ZNF354B: variants seen among roughly 807,000 people sequenced by gnomAD.
ZNF354B encodes zinc finger protein 354B.
In ZNF354B, 10 loss-of-function variants were observed where a neutral mutation model predicts 12.9. The ratio of observed to expected loss-of-function variants is 0.77; its 90% CI spans 0.48 to 1.31. The LOEUF is 1.31. Among genes scored for constraint, ZNF354B ranks in the 40% most tolerant of loss-of-function variants. The pLI, the probability that ZNF354B is intolerant of heterozygous loss-of-function variation, is 0.00. For missense variants in ZNF354B, 614 were observed against 711.7 expected (o/e 0.86, Z 1.56); for synonymous variants, 260 against 243.7 (o/e 1.07, Z -0.62).
chr5:178,880,593 A>G (rs1323440911), intron 4 of ZNF354B, among the ~76,000 whole-genome samples: 1 of 151,604 alleles, frequency 6.6e-6, no homozygotes, highest in Non-Finnish European at 1.5e-5. Flanking sequence ...TCCTGGGCTC[A>G]AGTGATCCTC....
intron 4 of ZNF354B, among the ~76,000 whole-genome samples, chr5:178,871,578 C>T (rs1757565396): frequency 6.6e-6 from 1 of 152,214 alleles, no homozygotes; most frequent in South Asian, 2.1e-4. Context: ...CTCATTCATT[C>T]ACTCCTGTTT....
At chr5:178,870,872 T>A (rs1024853761) in intron 4 of ZNF354B, among the ~76,000 whole-genome samples, 2 of 152,068 alleles carry the variant, frequency 1.3e-5, no homozygotes, top group Non-Finnish European at 2.9e-5. Context: ...CTGCCCAGGC[T>A]GTTCTTTGAA....
rs1459836921 is a variant in ZNF354B at position 178,866,950 on chromosome 5, T to C, written c.161-26T>C. ...TGTGTCAAAACGAAGACTGAGACTT[T>C]TGTTGTTGTTGTTGTTTATGTGCAG... On this transcript the variant is annotated intron_variant, in intron 3 of 4. Transcript: ENST00000322434. 4.0e-6 allele frequency: 6 copies of C among 1,510,202 alleles called. No individual in the cohort carries two copies. In the African/African-American group the frequency reaches 4.2e-5, roughly 11 times the overall value. The allele number at this position is 1,510,202 out of a possible 1,614,324, so 93.6% of individuals were successfully genotyped here.
rs141410132 is a variant in ZNF354B at position 178,883,933 on chromosome 5, A to G, written c.1481A>G (p.Tyr494Cys). 1.5e-4 allele frequency: 247 copies of G among 1,614,026 alleles called. No individual in the cohort carries two copies. Among genetic ancestry groups the G allele is most frequent in the Non-Finnish European group, 1.9e-4 (226 of 1,180,008 alleles). ...AGAATGCATACTGGAGAAAGACCCT[A>G]TAAGTGTAACGAATGTGACAAAACA... is the stretch of plus-strand genomic sequence containing the variant. ...HQRMHTGERPYKCNECDKTFR... is the reference protein window; with the variant it reads ...HQRMHTGERPCKCNECDKTFR... The change falls in exon 5 of 5, where the codon TAT becomes TGT. Residue 494 changes from tyrosine (Y) to cysteine (C), a missense_variant. Tyr to Cys is a radical substitution (Grantham distance 194). Coordinates refer to ENST00000322434, the MANE Select transcript of ZNF354B (RefSeq NM_058230.3).
At chr5:178,861,416 C>T (rs1310355786) in intron 2 of ZNF354B, among the ~76,000 whole-genome samples, 1 of 152,228 alleles carries the variant, frequency 6.6e-6, no homozygotes, top group African/African-American at 2.4e-5. Flanking sequence ...CGTTCCTGTC[C>T]TTCGCAGGAA....
chr5:178,863,319 T>C (rs1353659486), intron 2 of ZNF354B, among the ~76,000 whole-genome samples: 2 of 152,330 alleles, frequency 1.3e-5, no homozygotes, highest in East Asian at 3.9e-4. Context: ...TGTGTATGTT[T>C]ATATAGTTGT....
Position 178,883,306 on chromosome 5 carries a change from T to C in ZNF354B, c.854T>C (p.Leu285Pro). 1.2e-6 allele frequency: 2 copies of C among 1,614,014 alleles called. No individual in the cohort carries two copies. Among genetic ancestry groups the C allele is most frequent in the Non-Finnish European group, 1.7e-6 (2 of 1,179,948 alleles). Reference protein sequence around the residue: ...CGKAFSHSASLCKHLRTHTVE... With the variant: ...CGKAFSHSASPCKHLRTHTVE... ...AAAGCCTTCAGCCATAGTGCATCCCTTTGTAAGCATTTAAGGACCCATACT... is the reference window on the plus strand; with the variant it reads ...AAAGCCTTCAGCCATAGTGCATCCCCTTGTAAGCATTTAAGGACCCATACT... Residue 285 changes from leucine to proline, a missense_variant, in exon 5 of 5, where the codon CTT (leucine) becomes CCT (proline). By Grantham distance (98) the Leu-to-Pro change is moderately conservative. Coordinates refer to ENST00000322434, the MANE Select transcript of ZNF354B (RefSeq NM_058230.3).
At chr5:178,870,347 G>C (rs1388755418) in intron 4 of ZNF354B, among the ~76,000 whole-genome samples, 1 of 152,142 alleles carries the variant, frequency 6.6e-6, no homozygotes, top group East Asian at 1.9e-4. Flanking sequence ...GTGATTCTCA[G>C]CTCACTGCAG....
intron 4 of ZNF354B, among the ~76,000 whole-genome samples, chr5:178,868,739 G>A (rs1414986293): frequency 6.6e-6 from 1 of 152,098 alleles, no homozygotes; most frequent in Admixed American, 6.5e-5. Context: ...TTGGGAGGCC[G>A]AGGCGGGCAG....
At position 178,883,573 on chromosome 5, in the gene ZNF354B, G is replaced by T; in HGVS notation, c.1121G>T (p.Arg374Ile). The change falls in exon 5 of 5, where the codon AGA becomes ATA. Residue 374 changes from arginine to isoleucine, a missense_variant. Transcript: ENST00000322434. ...KSSSSLRYHQRIHTGEKPFKC... is the reference protein window; with the variant it reads ...KSSSSLRYHQIIHTGEKPFKC... The stretch of plus-strand genomic sequence containing the variant: ...AGCTCATCCCTTCGTTATCATCAGA[G>T]AATTCACACTGGAGAGAAGCCTTTT... 9.9e-6 allele frequency: 16 copies of T among 1,614,042 alleles called. No homozygotes were observed. The highest frequency in any genetic ancestry group is 1.3e-5 in the Non-Finnish European group (15 of 1,179,940).
chr5:178,862,846 G>A (rs1757383184), intron 2 of ZNF354B, among the ~76,000 whole-genome samples: 1 of 152,164 alleles, frequency 6.6e-6, no homozygotes, highest in African/African-American at 2.4e-5. Flanking sequence ...GAGTCTCTGT[G>A]GCATCCTTCC....
Position 178,883,929 on chromosome 5 carries a change from C to G in ZNF354B, c.1477C>G (p.Pro493Ala), listed in dbSNP as rs1034316251. 8.1e-6 allele frequency: 13 copies of G among 1,614,064 alleles called. No individual in the cohort carries two copies. Among genetic ancestry groups the G allele is most frequent in the Non-Finnish European group, 1.0e-5 (12 of 1,179,976 alleles). The part of the protein sequence containing the change: ...QHQRMHTGER[P>A]YKCNECDKTF... ...TCAGAGAATGCATACTGGAGAAAGA[C>G]CCTATAAGTGTAACGAATGTGACAA... The change falls in exon 5 of 5, where the codon CCC becomes GCC. Residue 493 changes from proline (P) to alanine (A), a missense_variant. Coordinates refer to ENST00000322434, the MANE Select transcript of ZNF354B (RefSeq NM_058230.3).
rs1757740881 is a variant in ZNF354B, at chr5:178,882,896, T to TA, written c.445dup (p.Thr149AsnfsTer8). On this transcript the variant is annotated frameshift_variant, in exon 5 of 5. Coordinates refer to ENST00000322434, the MANE Select transcript of ZNF354B (RefSeq NM_058230.3). LOFTEE classifies it low-confidence loss of function (END_TRUNC). Reference sequence around the variant, plus strand: ...ATTTACAAATAATTTCAGTTGCCCATACAAAAATCCTTACTGTAGATAGAA... The same window carrying TA: ...ATTTACAAATAATTTCAGTTGCCCATAACAAAAATCCTTACTGTAGATAGAA... 6.3e-7 allele frequency: 1 copy of TA among 1,598,678 alleles called. No homozygotes were observed.
At chr5:178,865,013 A>G (rs1757425211) in intron 2 of ZNF354B, among the ~76,000 whole-genome samples, 2 of 152,232 alleles carry the variant, frequency 1.3e-5, no homozygotes, top group African/African-American at 4.8e-5. Context: ...TTTTATGTCA[A>G]CAAATAGCAA....
At chr5:178,863,521 A>G (rs1312073439) in intron 2 of ZNF354B, among the ~76,000 whole-genome samples, 1 of 152,228 alleles carries the variant, frequency 6.6e-6, no homozygotes, top group African/African-American at 2.4e-5. Context: ...TGCCAGTCCT[A>G]TAAAAGTATA....
chr5:178,863,283 C>T (rs1028568527), intron 2 of ZNF354B, among the ~76,000 whole-genome samples: 5 of 152,004 alleles, frequency 3.3e-5, no homozygotes, highest in South Asian at 2.1e-4. Context: ...TTTATGGATA[C>T]GTGTGTATAT....
At position 178,866,275 on chromosome 5, in the gene ZNF354B, T is replaced by C. The variant is rs909754618; in HGVS notation, c.65T>C (p.Leu22Pro). ...VSLTFEDVAV[L>P]FTWDEWRKLA... ...CTGACATTCGAGGACGTGGCTGTGC[T>C]CTTTACCTGGGATGAGTGGAGAAAG... Residue 22 changes from leucine to proline, a missense_variant, in exon 3 of 5, where the codon CTC becomes CCC. Leu to Pro is a moderately conservative substitution (Grantham distance 98). Coordinates refer to ENST00000322434, the MANE Select transcript of ZNF354B (RefSeq NM_058230.3). 1.9e-6 allele frequency: 3 copies of C among 1,614,162 alleles called. No individual in the cohort carries two copies. The highest frequency in any genetic ancestry group is 4.5e-5 in the East Asian group (2 of 44,884).
chr5:178,875,714 G>A (rs1283181092), intron 4 of ZNF354B, among the ~76,000 whole-genome samples: 1 of 152,172 alleles, frequency 6.6e-6, no homozygotes, highest in Non-Finnish European at 1.5e-5. Flanking sequence ...AAGAGTCAGG[G>A]ATTGGTTCTC....
Position 178,883,444 on chromosome 5 carries a change from G to A in ZNF354B, c.992G>A (p.Gly331Asp). ...AQENPHKYNP[G>D]RKASSYSTSL... ...GAAAATCCCCATAAATACAATCCAG[G>A]CAGGAAGGCATCCAGTTACAGCACT... Residue 331 changes from glycine (G) to aspartate (D), a missense_variant, in exon 5 of 5, where the codon GGC (glycine) becomes GAC (aspartate). Transcript: ENST00000322434. 6.2e-7 allele frequency: 1 copy of A among 1,614,036 alleles called. No individual in the cohort carries two copies. Among genetic ancestry groups the A allele is most frequent in the Non-Finnish European group, 8.5e-7 (1 of 1,179,952 alleles).
Sources: allele counts gnomAD v4.1 joint callset (sites outside exome capture counted in the v4.1 genomes callset), GRCh38; gene constraint gnomAD v4.1.1; transcripts MANE v1.5; gene names NCBI Gene and HGNC (gene_info 2026-07-23, HGNC 2026-07-21).